SLC12A2: variants seen among roughly 807,000 people sequenced by gnomAD.
SLC12A2 encodes Na-K-2Cl cotransporter 1.
SLC12A2 carries 67 observed loss-of-function variants against 136.3 expected under a neutral mutation model. The ratio of observed to expected loss-of-function variants is 0.49; its 90% CI spans 0.40 to 0.60. The LOEUF (loss-of-function observed/expected upper bound fraction) is 0.60, where lower values mean the gene tolerates loss of function less well. Among genes scored for constraint, SLC12A2 ranks in the 20% least tolerant of loss-of-function variants. SLC12A2 has a pLI of 0.00. For missense variants in SLC12A2, 1,322 were observed against 1,534.7 expected (o/e 0.86, Z 2.32); for synonymous variants, 619 against 562.9 (o/e 1.10, Z -1.41).
In SLC12A2 at chr5:128,138,906, T is replaced by C; in HGVS notation, c.1619T>C (p.Val540Ala). ...GTTTACGTAGGAATTGCAGTATCTGTAGGTAAATAGTTTCACATTTCTTTA... is the reference window on the plus strand; with the variant it reads ...GTTTACGTAGGAATTGCAGTATCTGCAGGTAAATAGTTTCACATTTCTTTA... ...TLVYVGIAVS[V>A]GSCVVRDATG... Residue 540 changes from valine to alanine, a missense_variant and splice_region_variant, in exon 9 of 27, where the codon GTA (valine) becomes GCA (alanine). Physicochemically the swap from Val to Ala is moderately conservative, Grantham distance 64. This residue lies in a region of SLC12A2 where 294 missense variants were observed against 436.6 expected (regional missense o/e 0.67). Coordinates refer to ENST00000262461, the MANE Select transcript of SLC12A2 (RefSeq NM_001046.3). 6.2e-7 allele frequency: 1 copy of C among 1,600,098 alleles called. No individual in the cohort carries two copies.
At chr5:128,111,273 A>G (rs986119746) in intron 1 of SLC12A2, among the ~76,000 whole-genome samples, 29 of 152,150 alleles carry the variant, frequency 1.9e-4, no homozygotes, top group African/African-American at 7.0e-4. Context: ...ACAGTAATTA[A>G]CATATGTAAA....
intron 9 of SLC12A2, among the ~76,000 whole-genome samples, chr5:128,141,355 A>G (rs998072144): frequency 5.3e-5 from 8 of 152,190 alleles, no homozygotes; most frequent in African/African-American, 1.9e-4. Flanking sequence ...ATTTAAATAT[A>G]ATTATAATTC....
chr5:128,152,543 C>T (rs1167024293), intron 14 of SLC12A2, among the ~76,000 whole-genome samples, 163 bp from the exon 15 acceptor site: 1 of 152,144 alleles, frequency 6.6e-6, no homozygotes, highest in Non-Finnish European at 1.5e-5. Flanking sequence ...GATTATCAGT[C>T]TTAATATCTT....
chr5:128,133,081 ATTCTCAGATATG>A (rs1339592769), intron 5 of SLC12A2, among the ~76,000 whole-genome samples: 1 of 152,062 alleles, frequency 6.6e-6, no homozygotes. Flanking sequence ...TTTTCAAGTA[ATTCTCAGATATG>A]ATTTTCCAAA....
At chr5:128,158,869 T>TG (rs1282840773) in intron 16 of SLC12A2, among the ~76,000 whole-genome samples, 5 of 151,192 alleles carry the variant, frequency 3.3e-5, no homozygotes, top group African/African-American at 1.2e-4. Flanking sequence ...ATCTGTGTTT[T>TG]TTTTTTTTTT....
chr5:128,111,000 T>G, intron 1 of SLC12A2: 1 of 747,600 alleles, frequency 1.3e-6, no homozygotes, highest in Non-Finnish European at 2.5e-6. Flanking sequence ...AACTCTGATA[T>G]GCAAAATAAC....
intron 4 of SLC12A2, among the ~76,000 whole-genome samples, chr5:128,124,792 G>T (rs1761721259): frequency 6.6e-6 from 1 of 152,068 alleles, no homozygotes; most frequent in South Asian, 2.1e-4. Context: ...TGGGAGCTGG[G>T]GTGGGTAATG....
intron 9 of SLC12A2, among the ~76,000 whole-genome samples, chr5:128,141,552 A>G (rs1324032870): frequency 1.3e-5 from 2 of 152,184 alleles, no homozygotes; most frequent in African/African-American, 2.4e-5. Flanking sequence ...ATAGTTTGCT[A>G]GTATACCATT....
At chr5:128,132,085 GA>G (rs891456824) in intron 5 of SLC12A2, among the ~76,000 whole-genome samples, 14 of 152,152 alleles carry the variant, frequency 9.2e-5, no homozygotes, top group Non-Finnish European at 1.9e-4. Context: ...ACTAGAGAGA[GA>G]AAAAATAATC....
chr5:128,186,842 G>A lies in SLC12A2; in HGVS notation c.*211G>A, dbSNP rs190846237. On this transcript the variant is annotated 3_prime_UTR_variant, in exon 27 of 27. Coordinates refer to ENST00000262461, the MANE Select transcript of SLC12A2 (RefSeq NM_001046.3). ...AATTCCATATCTCAATCTTAATGGT[G>A]ATTCTTCTCTGTTGAACTGAAGTTT... is the stretch of plus-strand genomic sequence containing the variant. The A allele has an allele frequency of 2.6e-3, 1,118 of 425,272 alleles. 5 individuals are homozygous for A. Among genetic ancestry groups the A allele is most frequent in the Non-Finnish European group, 3.6e-3 (853 of 240,042 alleles). 26.3% of individuals were successfully genotyped at this position (425,272 alleles called of 1,614,324 possible).
At chr5:128,167,115 T>C (rs1200110877) in intron 17 of SLC12A2, among the ~76,000 whole-genome samples, 1 of 152,166 alleles carries the variant, frequency 6.6e-6, no homozygotes, top group African/African-American at 2.4e-5. Context: ...ATGTGTTGTT[T>C]ATATGCAAAT....
chr5:128,103,175 C>A (rs1048122401), intron 1 of SLC12A2, among the ~76,000 whole-genome samples: 1 of 152,096 alleles, frequency 6.6e-6, no homozygotes, highest in African/African-American at 2.4e-5. Flanking sequence ...ACTTTTCTTT[C>A]AGAATTGTTT....
intron 1 of SLC12A2, among the ~76,000 whole-genome samples, chr5:128,085,752 A>G (rs945468108): frequency 2.0e-5 from 3 of 152,176 alleles, no homozygotes; most frequent in Admixed American, 1.3e-4. Context: ...TTTCTTTTGG[A>G]TATGATTATT....
At chr5:128,111,876 T>C (rs1420689087) in intron 1 of SLC12A2, among the ~76,000 whole-genome samples, 1 of 151,938 alleles carries the variant, frequency 6.6e-6, no homozygotes, top group Non-Finnish European at 1.5e-5. Context: ...TGTGAAGTAC[T>C]GAAAATATGT....
chr5:128,135,925 A>G (rs879207914), intron 7 of SLC12A2, 117 bp downstream of exon 7: 1 of 683,150 alleles, frequency 1.5e-6, no homozygotes, highest in Admixed American at 2.7e-5. Flanking sequence ...TTGGTGATTC[A>G]CCCTAATTTA....
intron 17 of SLC12A2, among the ~76,000 whole-genome samples, chr5:128,165,351 T>A (rs1763169214): frequency 6.6e-6 from 1 of 152,220 alleles, no homozygotes; most frequent in Non-Finnish European, 1.5e-5. Context: ...TAAATACGTT[T>A]TTTTGGTCAG....
chr5:128,083,935 C>T lies in SLC12A2; in HGVS notation c.-20C>T. On this transcript the variant is annotated 5_prime_UTR_variant, in exon 1 of 27. Transcript: ENST00000262461. ...GAGACGTCCGCCGGGCTCTGCAGTT[C>T]CGCCGGGGGTCGGGCAGCTATGGAG... The T allele has an allele frequency of 8.2e-7, 1 of 1,225,804 alleles. No individual in the cohort carries two copies. Among genetic ancestry groups the T allele is most frequent in the Non-Finnish European group, 1.0e-6 (1 of 983,552 alleles). 75.9% of individuals were successfully genotyped at this position (1,225,804 alleles called of 1,614,324 possible). A position where few individuals can be genotyped will look rare whatever the true frequency, so the allele number is the denominator to read the frequency against.
chr5:128,185,560 C>A (rs1043502761), intron 26 of SLC12A2, among the ~76,000 whole-genome samples: 1 of 152,016 alleles, frequency 6.6e-6, no homozygotes, highest in African/African-American at 2.4e-5. Flanking sequence ...TGATGATAAT[C>A]AAATACCTGT....
chr5:128,147,402 G>T (rs899080081), intron 10 of SLC12A2, among the ~76,000 whole-genome samples: 3 of 151,640 alleles, frequency 2.0e-5, no homozygotes, highest in African/African-American at 7.3e-5. Flanking sequence ...CTGCCATTGT[G>T]TGTGTTTAAC....
Sources: allele counts gnomAD v4.1 joint callset (sites outside exome capture counted in the v4.1 genomes callset), GRCh38; gene constraint gnomAD v4.1.1; regional missense constraint gnomAD v4.1.1; transcripts MANE v1.5; gene names NCBI Gene and HGNC (gene_info 2026-07-23, HGNC 2026-07-21).